The following EXT1 variants were observed in gnomAD, a reference collection of about 807,000 sequenced individuals.
EXT1 encodes the protein exostosin-1.
Under a neutral mutation model 82.5 loss-of-function variants are expected in EXT1, and 20 were observed. That is an observed-to-expected ratio of 0.24 (90% CI 0.17 to 0.35). The LOEUF is 0.35. Among genes scored for constraint, EXT1 ranks in the 10% least tolerant of loss-of-function variants. The pLI is 1.00. For synonymous variants in EXT1, 348 were observed against 350.8 expected, an observed-to-expected ratio of 0.99 and a Z score of 0.09; for missense variants, 757 against 936.5, an observed-to-expected ratio of 0.81 and a Z score of 2.50.
At chr8:117,881,035 C>T (rs1190995402) in intron 1 of EXT1, among the ~76,000 whole-genome samples, 2 of 152,086 alleles carry the variant, frequency 1.3e-5, no homozygotes, top group Non-Finnish European at 2.9e-5. Context: ...ACATATCTTC[C>T]TTATACAATA....
chr8:117,895,607 CAAT>C (rs1813320471), intron 1 of EXT1, among the ~76,000 whole-genome samples: 2 of 152,118 alleles, frequency 1.3e-5, no homozygotes, highest in Non-Finnish European at 2.9e-5. Context: ...AATTACCTTC[CAAT>C]AATAATGCCA....
At chr8:117,811,057 T>G (rs1823310095) in intron 8 of EXT1, among the ~76,000 whole-genome samples, 1 of 152,126 alleles carries the variant, frequency 6.6e-6, no homozygotes, top group Admixed American at 6.5e-5. Flanking sequence ...CTGCTGTCAT[T>G]ACTCACCAGG....
intron 1 of EXT1, among the ~76,000 whole-genome samples, chr8:118,002,230 T>C (rs117111957): frequency 0.01 from 1,549 of 151,994 alleles, 8 homozygotes; most frequent in Non-Finnish European, 0.017. Context: ...AATATATTAG[T>C]TGTTATCTTT....
chr8:117,823,465 C>G (rs1175969437), intron 4 of EXT1, among the ~76,000 whole-genome samples: 14 of 150,440 alleles, frequency 9.3e-5, no homozygotes, highest in Non-Finnish European at 1.5e-5. Flanking sequence ...AAATAATTAA[C>G]TTGGTACAGA....
At chr8:117,997,682 T>G (rs1815575307) in intron 1 of EXT1, among the ~76,000 whole-genome samples, 1 of 152,178 alleles carries the variant, frequency 6.6e-6, no homozygotes, top group African/African-American at 2.4e-5. Flanking sequence ...TTTCCATTAT[T>G]CAGTAGAGGT....
chr8:117,973,331 C>T (rs760250070), intron 1 of EXT1, among the ~76,000 whole-genome samples: 1 of 152,120 alleles, frequency 6.6e-6, no homozygotes, highest in Non-Finnish European at 1.5e-5. Context: ...TTGGTTGATC[C>T]TCAGTGTGGT....
intron 1 of EXT1, among the ~76,000 whole-genome samples, chr8:117,870,848 C>CACACACACACACACACACACAA (rs1171039157): frequency 3.3e-5 from 5 of 151,630 alleles, no homozygotes; most frequent in African/African-American, 9.7e-5. Flanking sequence ...CACACACACA[C>CACACACACACACACACACACAA]AAAAGATTGA....
At chr8:117,839,077 T>G (rs964081262) in intron 1 of EXT1, among the ~76,000 whole-genome samples, 6 of 152,192 alleles carry the variant, frequency 3.9e-5, no homozygotes, top group African/African-American at 1.4e-4. Context: ...AAATGACAGT[T>G]ATAGTGGGTT....
chr8:117,819,584 CTGGGGAG>C, intron 6 of EXT1, 85 bp downstream of exon 6: 1 of 935,980 alleles, frequency 1.1e-6, no homozygotes, highest in Non-Finnish European at 1.6e-6. Flanking sequence ...CCCGGGGAGC[CTGGGGAG>C]CCCGGGGGAT....
chr8:118,018,180 T>C (rs1816034559), intron 1 of EXT1, among the ~76,000 whole-genome samples: 1 of 152,186 alleles, frequency 6.6e-6, no homozygotes, highest in South Asian at 2.1e-4. Context: ...CCTCCAAATA[T>C]GTCCTTATTT....
At position 118,037,842 on chromosome 8, in the gene EXT1, T is replaced by G. The variant is rs1211718252; in HGVS notation, c.962+72243A>C. ...ATCAACAAGAGTGTTTTTTGTTTTTTTTTTTTTTTTTTTTTGAGATGGAGT... is the reference window on the plus strand; with the variant it reads ...ATCAACAAGAGTGTTTTTTGTTTTTGTTTTTTTTTTTTTTTGAGATGGAGT... On this transcript the variant is annotated intron_variant, in intron 1 of 10. Coordinates refer to ENST00000378204, the MANE Select transcript of EXT1 (RefSeq NM_000127.3). Among the ~76,000 whole-genome samples the G allele has an allele frequency of 5.7e-4, 82 of 144,860 alleles. 1 individual carries two copies. The highest frequency in any genetic ancestry group is 1.3e-3 in the South Asian group (6 of 4,510).
At chr8:117,892,325 T>G (rs1401065930) in intron 1 of EXT1, among the ~76,000 whole-genome samples, 1 of 152,220 alleles carries the variant, frequency 6.6e-6, no homozygotes, top group Admixed American at 6.5e-5. Context: ...GTCAATGATC[T>G]CACAAGGATA....
chr8:117,940,497 C>G (rs182180881), intron 1 of EXT1, among the ~76,000 whole-genome samples: 2 of 152,176 alleles, frequency 1.3e-5, no homozygotes, highest in African/African-American at 4.8e-5. Flanking sequence ...TCAATTCAAA[C>G]GACCTTTACT....
At chr8:118,048,498 T>C (rs908059590) in intron 1 of EXT1, among the ~76,000 whole-genome samples, 4 of 152,176 alleles carry the variant, frequency 2.6e-5, no homozygotes, top group African/African-American at 9.7e-5. Context: ...CCAAAAAAGC[T>C]AAGTTTATTT....
chr8:117,903,303 G>A (rs1447645148), intron 1 of EXT1, among the ~76,000 whole-genome samples: 1 of 152,212 alleles, frequency 6.6e-6, no homozygotes, highest in East Asian at 1.9e-4. Context: ...GAGAGGAGGA[G>A]TGTTACTTGA....
intron 1 of EXT1, among the ~76,000 whole-genome samples, chr8:117,939,779 T>C (rs964684482): frequency 6.6e-6 from 1 of 152,210 alleles, no homozygotes; most frequent in Non-Finnish European, 1.5e-5. Flanking sequence ...TTCTGAGTTG[T>C]GCATACATCT....
At chr8:118,052,745 A>G (rs181082806) in intron 1 of EXT1, among the ~76,000 whole-genome samples, 4 of 152,234 alleles carry the variant, frequency 2.6e-5, no homozygotes, top group Non-Finnish European at 5.9e-5. Context: ...AGATCAGGTG[A>G]GTAAGGAAAG....
chr8:117,947,685 G>T (rs1412735890), intron 1 of EXT1, among the ~76,000 whole-genome samples: 2 of 152,198 alleles, frequency 1.3e-5, no homozygotes, highest in African/African-American at 4.8e-5. Flanking sequence ...TCTGTGAAAA[G>T]CATTGCCTCA....
chr8:118,098,974 G>T (rs981709147), intron 1 of EXT1, among the ~76,000 whole-genome samples: 1 of 150,356 alleles, frequency 6.7e-6, no homozygotes, highest in Non-Finnish European at 1.5e-5. Context: ...GTTTTCAAAT[G>T]GAGATCTTAC....
Sources: gnomAD v4.1 joint callset for allele counts (sites outside exome capture counted in the v4.1 genomes callset) on GRCh38, gnomAD v4.1.1 for gene constraint, MANE v1.5 for transcripts, NCBI Gene and HGNC (gene_info 2026-07-23, HGNC 2026-07-21) for gene names.